TP53BP1: variants seen among roughly 807,000 people sequenced by gnomAD.
TP53BP1 encodes TP53-binding protein 1.
TP53BP1 carries 61 observed loss-of-function variants against 200.8 expected under a neutral mutation model. That is an observed-to-expected ratio of 0.30 (90% CI 0.25 to 0.38). TP53BP1 has a LOEUF of 0.38. TP53BP1 is among the 10% of genes least tolerant of loss of function. The probability of loss-of-function intolerance (pLI) is 1.00; values close to 1 mark genes in which losing one functional copy is unlikely to be tolerated. For synonymous variants in TP53BP1, 822 were observed against 844.3 expected, an observed-to-expected ratio of 0.97 and a Z score of 0.46; for missense variants, 2,144 against 2,371.9, an observed-to-expected ratio of 0.90 and a Z score of 2.00.
chr15:43,421,117 T>C lies in TP53BP1; in HGVS notation c.4158A>G (p.Ala1386=), dbSNP rs1452038047. The change falls in exon 20 of 28, where the codon GCA becomes GCG. Residue 1386 remains alanine (A), a synonymous_variant. Transcript: ENST00000382044. Reference sequence around the variant, plus strand: ...TCCCTCCCTGTCTGATGCCAAGGCCTGCATCACCATCCTCCTCACACACTG... The same window carrying C: ...TCCCTCCCTGTCTGATGCCAAGGCCCGCATCACCATCCTCCTCACACACTG... ...GTPVCEEDGD[A]GLGIRQGGKA... is the part of the protein sequence containing the mutation. The C allele has an allele frequency of 3.1e-6, 5 of 1,614,036 alleles. No homozygotes were observed. The African/African-American group carries it at 6.7e-5, about 22-fold the overall frequency.
intron 11 of TP53BP1, among the ~76,000 whole-genome samples, chr15:43,463,473 CAAGAAT>C (rs1039911865): frequency 2.0e-5 from 3 of 151,930 alleles, no homozygotes; most frequent in African/African-American, 7.3e-5. Flanking sequence ...TTAAGAATAA[CAAGAAT>C]AAGTTTGACA....
At chr15:43,443,369 T>C (rs947832063) in intron 14 of TP53BP1, among the ~76,000 whole-genome samples, 1 of 152,156 alleles carries the variant, frequency 6.6e-6, no homozygotes, top group African/African-American at 2.4e-5. Flanking sequence ...CCCAAGTTCT[T>C]CCCAAAGTGC....
intron 22 of TP53BP1, 139 bp from the exon 23 acceptor site, chr15:43,415,948 A>T: frequency 1.3e-6 from 1 of 766,532 alleles, no homozygotes; most frequent in Non-Finnish European, 2.1e-6. Flanking sequence ...CTTCTTTTTA[A>T]GGCCATATTT....
At chr15:43,491,067 A>G (rs907605903) in intron 4 of TP53BP1, among the ~76,000 whole-genome samples, 2 of 150,622 alleles carry the variant, frequency 1.3e-5, no homozygotes, top group East Asian at 3.9e-4. Context: ...TTCTGATAAT[A>G]CTCCTAAATT....
At position 43,454,631 on chromosome 15, in the gene TP53BP1, G is replaced by A. The variant is rs1399106213; in HGVS notation, c.2716+1261C>T. On this transcript the variant is annotated intron_variant, in intron 12 of 27. Transcript: ENST00000382044. ...GCTGGCCTCAGCCTCCCAAAGTGCTGGGATTACAGGCGTGAGCCACCACGC... is the reference window on the plus strand; with the variant it reads ...GCTGGCCTCAGCCTCCCAAAGTGCTAGGATTACAGGCGTGAGCCACCACGC... 2.6e-5 allele frequency among the ~76,000 whole-genome samples: 4 copies of A among 151,934 alleles called. No individual in the cohort carries two copies. The East Asian group carries it at 7.8e-4, about 30-fold the overall frequency.
intron 18 of TP53BP1, among the ~76,000 whole-genome samples, chr15:43,426,447 A>G (rs1368413227): frequency 1.3e-5 from 2 of 151,432 alleles, no homozygotes; most frequent in Non-Finnish European, 2.9e-5. Flanking sequence ...GTCAAAAAAA[A>G]AAAAAAAAAA....
intron 4 of TP53BP1, among the ~76,000 whole-genome samples, chr15:43,487,698 C>G (rs932024267): frequency 6.6e-6 from 1 of 151,158 alleles, no homozygotes; most frequent in African/African-American, 2.4e-5. Flanking sequence ...GATGCTGAGG[C>G]TGAAGAATCA....
At chr15:43,415,864 A>G in intron 22 of TP53BP1, 55 bp from the exon 23 acceptor site, 1 of 1,429,716 alleles carries the variant, frequency 7.0e-7, no homozygotes, top group Non-Finnish European at 9.7e-7. Flanking sequence ...GAGGCCCTGA[A>G]CTCCAAGAAA....
intron 12 of TP53BP1, among the ~76,000 whole-genome samples, chr15:43,448,782 G>T (rs2046100161): frequency 6.6e-6 from 1 of 152,130 alleles, no homozygotes; most frequent in Admixed American, 6.6e-5. Flanking sequence ...GAGAGAAAAA[G>T]AAATGGTCTT....
intron 4 of TP53BP1, among the ~76,000 whole-genome samples, chr15:43,483,307 C>T (rs1198094225): frequency 2.0e-5 from 3 of 151,070 alleles, no homozygotes; most frequent in African/African-American, 7.3e-5. Flanking sequence ...CTTCTGTGGG[C>T]TTAAACTTTT....
At chr15:43,417,011 G>A (rs1054040331) in intron 21 of TP53BP1, 1 of 152,226 alleles carries the variant, frequency 6.6e-6, no homozygotes, top group Non-Finnish European at 1.5e-5. Flanking sequence ...CAAAATGTGG[G>A]ATGTAAAAGG....
At chr15:43,480,803 A>C in intron 5 of TP53BP1, 92 bp downstream of exon 5, 2 of 1,367,090 alleles carry the variant, frequency 1.5e-6, no homozygotes, top group East Asian at 4.7e-5. Context: ...AGAAATCTGC[A>C]ACCTAATAAA....
rs748643085 is a variant in TP53BP1, at chr15:43,456,606, C to G, written c.2002G>C (p.Glu668Gln). 1 of 1,614,188 alleles carries G rather than the reference C, an allele frequency of 6.2e-7. No individual in the cohort carries two copies. Among genetic ancestry groups the G allele is most frequent in the East Asian group, 2.2e-5 (1 of 44,890 alleles). Residue 668 changes from glutamate to glutamine, a missense_variant, in exon 12 of 28, where the codon GAG becomes CAG. Glu to Gln is a conservative substitution (Grantham distance 29, BLOSUM62 2). Transcript: ENST00000382044. ...GGTGTCTCAGGGATTTCTTCCACCTCAGACCCTGAAGACCCCTCCTCTGGA... is the reference window on the plus strand; with the variant it reads ...GGTGTCTCAGGGATTTCTTCCACCTGAGACCCTGAAGACCCCTCCTCTGGA... ...HHPEEGSSGS[E>Q]VEEIPETPCE... is the part of the protein sequence containing the mutation.
chr15:43,447,170 C>T, intron 13 of TP53BP1, 196 bp downstream of exon 13: 1 of 587,726 alleles, frequency 1.7e-6, no homozygotes, highest in East Asian at 3.1e-5. Context: ...TCCCTCCACC[C>T]TTTCTTTCCT....
In TP53BP1 at chr15:43,493,149, G is replaced by C; in HGVS notation, c.-106C>G. On this transcript the variant is annotated 5_prime_UTR_variant, in exon 1 of 28. Coordinates refer to ENST00000382044, the MANE Select transcript of TP53BP1 (RefSeq NM_001141980.3). ...GCTGTCGCCACCGCCGCCACCGGCC[G>C]CGAACTCCCCCTTTCCCGTCACGTC... 6.4e-7 allele frequency: 1 copy of C among 1,566,658 alleles called. No individual in the cohort carries two copies. The highest frequency in any genetic ancestry group is 1.9e-5 in the Admixed American group (1 of 53,788).
intron 24 of TP53BP1, chr15:43,412,866 A>G: frequency 1.7e-6 from 1 of 572,444 alleles, no homozygotes; most frequent in Non-Finnish European, 3.3e-6. Context: ...TTCCTCATCC[A>G]TAAAATAGAT....
intron 11 of TP53BP1, among the ~76,000 whole-genome samples, chr15:43,468,066 T>A (rs2046634065): frequency 6.6e-6 from 1 of 152,144 alleles, no homozygotes; most frequent in Non-Finnish European, 1.5e-5. Flanking sequence ...ATTACAGGCA[T>A]GAGCCACCAC....
chr15:43,445,415 C>T (rs888311064), intron 14 of TP53BP1, among the ~76,000 whole-genome samples: 15 of 152,172 alleles, frequency 9.9e-5, no homozygotes, highest in Non-Finnish European at 2.9e-5. Context: ...TCTCTCTGAA[C>T]GTTCCTTTAT....
Position 43,404,045 on chromosome 15 carries a change from G to T in TP53BP1, c.*3338C>A. The T allele has an allele frequency of 1.8e-6, 1 of 545,320 alleles. No homozygotes were observed. The highest frequency in any genetic ancestry group is 3.3e-6 in the Non-Finnish European group (1 of 306,496). 33.8% of individuals were successfully genotyped at this position (545,320 alleles called of 1,614,324 possible). A position where few individuals can be genotyped will look rare whatever the true frequency, so the allele number is the denominator to read the frequency against. On this transcript the variant is annotated 3_prime_UTR_variant, in exon 28 of 28. Coordinates refer to ENST00000382044, the MANE Select transcript of TP53BP1 (RefSeq NM_001141980.3). ...ATTCAGCCCATCAAATAAGCATTGGGTTGTTCTAACTTCCTCACATCCTCC... is the reference window on the plus strand; with the variant it reads ...ATTCAGCCCATCAAATAAGCATTGGTTTGTTCTAACTTCCTCACATCCTCC...
Sources: gnomAD v4.1 joint callset for allele counts (sites outside exome capture counted in the v4.1 genomes callset) on GRCh38, gnomAD v4.1.1 for gene constraint, MANE v1.5 for transcripts, NCBI Gene and HGNC (gene_info 2026-07-23, HGNC 2026-07-21) for gene names.